The following CHRNB1 variants were observed in gnomAD, a reference collection of about 807,000 sequenced individuals.
CHRNB1 encodes acetylcholine receptor subunit beta.
A neutral mutation model predicts 53.8 loss-of-function variants in CHRNB1; 47 were observed. That is an observed-to-expected ratio of 0.87 (90% CI 0.69 to 1.11). CHRNB1 has a LOEUF of 1.11. CHRNB1 is among the 50% of genes most tolerant of loss of function. The pLI, the probability that CHRNB1 is intolerant of heterozygous loss-of-function variation, is 0.00. For synonymous variants in CHRNB1, 259 were observed against 263.5 expected, an observed-to-expected ratio of 0.98 and a Z score of 0.16; for missense variants, 605 against 654.9, an observed-to-expected ratio of 0.92 and a Z score of 0.83.
At position 7,454,266 on chromosome 17, in the gene CHRNB1, A is replaced by G. The variant is rs567864992; in HGVS notation, c.821-31A>G. The G allele has an allele frequency of 7.1e-5, 111 of 1,559,816 alleles. 4 individuals carry two copies. In the South Asian group the frequency reaches 1.1e-3, roughly 16 times the overall value. On this transcript the variant is annotated intron_variant, in intron 7 of 10. Transcript: ENST00000306071. ...ATAGAGCTTTCCTTCAGGCAAGTCTAATCCTTCTCTCTTCCCCTCTGCCCT... is the reference window on the plus strand; with the variant it reads ...ATAGAGCTTTCCTTCAGGCAAGTCTGATCCTTCTCTCTTCCCCTCTGCCCT...
At chr17:7,449,350 G>T (rs955517714) in intron 7 of CHRNB1, among the ~76,000 whole-genome samples, 1 of 147,642 alleles carries the variant, frequency 6.8e-6, no homozygotes, top group Non-Finnish European at 1.5e-5. Context: ...TGATCTGCCC[G>T]CCTCGGCCTC....
At chr17:7,448,409 G>A (rs1203641182) in intron 6 of CHRNB1, among the ~76,000 whole-genome samples, 170 bp from the exon 7 acceptor site, 1 of 152,038 alleles carries the variant, frequency 6.6e-6, no homozygotes, top group Non-Finnish European at 1.5e-5. Context: ...TAAAAATATG[G>A]AAATTGAGAC....
At chr17:7,449,912 C>G (rs964717356) in intron 7 of CHRNB1, among the ~76,000 whole-genome samples, 47 of 151,496 alleles carry the variant, frequency 3.1e-4, no homozygotes, top group Non-Finnish European at 5.6e-4. Flanking sequence ...GGTGTGGTGG[C>G]GGGCGCCTGT....
rs552120595 is a variant in CHRNB1, at chr17:7,457,567, T to C, written c.*844T>C. 6.6e-6 allele frequency: 1 copy of C among 152,258 alleles called. No individual in the cohort carries two copies. Among genetic ancestry groups the C allele is most frequent in the East Asian group, 1.9e-4 (1 of 5,188 alleles). 9.4% of individuals were successfully genotyped at this position (152,258 alleles called of 1,614,324 possible). A position where few individuals can be genotyped will look rare whatever the true frequency, so the allele number is the denominator to read the frequency against. Reference sequence around the variant, plus strand: ...GCCTGGGCAACATAGTGAGACCCTGTCTCTAAAAAAATAAAAATAGAAATA... The same window carrying C: ...GCCTGGGCAACATAGTGAGACCCTGCCTCTAAAAAAATAAAAATAGAAATA... On this transcript the variant is annotated 3_prime_UTR_variant, in exon 11 of 11. Transcript: ENST00000306071.
In CHRNB1 at chr17:7,448,719, A is replaced by G. The variant is rs762446825; in HGVS notation, c.751A>G (p.Asn251Asp). ...IRRKPLFYLV[N>D]VIAPCILITL... is the part of the protein sequence containing the mutation. Reference sequence around the variant, plus strand: ...CCGCAAGCCTCTCTTCTACCTGGTCAACGTCATTGCCCCATGCATCCTCAT... The same window carrying G: ...CCGCAAGCCTCTCTTCTACCTGGTCGACGTCATTGCCCCATGCATCCTCAT... The change falls in exon 7 of 11, where the codon AAC becomes GAC. Residue 251 changes from asparagine to aspartate, a missense_variant. Coordinates refer to ENST00000306071, the MANE Select transcript of CHRNB1 (RefSeq NM_000747.3). 1 of 1,614,200 alleles carries G rather than the reference A, an allele frequency of 6.2e-7. No homozygotes were observed. Among genetic ancestry groups the G allele is most frequent in the Admixed American group, 1.7e-5 (1 of 60,022 alleles).
chr17:7,452,713 A>G (rs534429865), intron 7 of CHRNB1, among the ~76,000 whole-genome samples: 1 of 152,316 alleles, frequency 6.6e-6, no homozygotes, highest in South Asian at 2.1e-4. Flanking sequence ...TCCGTTGCTT[A>G]ATCTGCATGC....
intron 9 of CHRNB1, 76 bp from the exon 10 acceptor site, chr17:7,455,718 G>A (rs567324595): frequency 6.3e-7 from 1 of 1,593,968 alleles, no homozygotes. Context: ...AGTTGTTGGA[G>A]GCAGCTGGAG....
Position 7,446,060 on chromosome 17 carries a change from C to T in CHRNB1, c.199-9C>T, listed in dbSNP as rs572576481. ...CTTCACCTTTACGCCTTAAATTTTT[C>T]CCTTCTAGAACGAGAAGGATGAAGA... On this transcript the variant is annotated splice_polypyrimidine_tract_variant and intron_variant, in intron 2 of 10. Coordinates refer to ENST00000306071, the MANE Select transcript of CHRNB1 (RefSeq NM_000747.3). 12 of 1,613,662 alleles carry T rather than the reference C, an allele frequency of 7.4e-6. No individual in the cohort carries two copies. In the South Asian group the frequency reaches 9.9e-5, roughly 13 times the overall value.
rs1481476050 is a variant in CHRNB1, at chr17:7,449,191, C to A, written c.820+403C>A. 2.1e-4 allele frequency among the ~76,000 whole-genome samples: 32 copies of A among 150,546 alleles called. 1 individual carries two copies. The highest frequency in any genetic ancestry group is 2.1e-3 in the Admixed American group (32 of 15,064). Reference sequence around the variant, plus strand: ...CAATCTCGGCTCACTGCAAGCTCTGCCTCCCGGGTTCACGCCATTCTCCTG... The same window carrying A: ...CAATCTCGGCTCACTGCAAGCTCTGACTCCCGGGTTCACGCCATTCTCCTG... On this transcript the variant is annotated intron_variant, in intron 7 of 10. Transcript: ENST00000306071.
chr17:7,451,346 G>A (rs1420138989), intron 7 of CHRNB1, among the ~76,000 whole-genome samples: 1 of 139,830 alleles, frequency 7.2e-6, no homozygotes, highest in East Asian at 2.1e-4. Flanking sequence ...GCGCGATCTC[G>A]GCTCACTGCA....
rs760465598 is a variant in CHRNB1, at chr17:7,445,204, G to A, written c.58+19G>A. The A allele has an allele frequency of 6.2e-7, 1 of 1,611,488 alleles. No homozygotes were observed. Among genetic ancestry groups the A allele is most frequent in the Non-Finnish European group, 8.5e-7 (1 of 1,179,546 alleles). Reference sequence around the variant, plus strand: ...GCCCCAGGTAAGTGTAGGCCCCGAAGGGGCAGTGACGGGGCCAGCGGTCGT... The same window carrying A: ...GCCCCAGGTAAGTGTAGGCCCCGAAAGGGCAGTGACGGGGCCAGCGGTCGT... On this transcript the variant is annotated intron_variant, in intron 1 of 10. Transcript: ENST00000306071. This position sits in a 1 kb window ranked among gnomAD's most constrained non-coding sequence, Gnocchi z 5.7.
At chr17:7,454,567 A>G (rs372471189) in intron 8 of CHRNB1, 47 bp downstream of exon 8, 58 of 1,468,912 alleles carry the variant, frequency 3.9e-5, no homozygotes, top group Non-Finnish European at 4.4e-5. Context: ...TTTACAGACC[A>G]TAGGGAGAAC....
At position 7,447,074 on chromosome 17, in the gene CHRNB1, A is replaced by T. The variant is rs772793418; in HGVS notation, c.385A>T (p.Ile129Phe). ...NDGNFDVALD[I>F]SVVVSSDGSV... ...TGGGAATTTTGACGTGGCTCTGGAC[A>T]TTAGCGTCGTGGTGTCCTCCGACGG... The change falls in exon 5 of 11, where the codon ATT (isoleucine) becomes TTT (phenylalanine). Residue 129 changes from isoleucine to phenylalanine, a missense_variant. By Grantham distance (21) the Ile-to-Phe change is conservative. Coordinates refer to ENST00000306071, the MANE Select transcript of CHRNB1 (RefSeq NM_000747.3). The T allele has an allele frequency of 1.9e-6, 3 of 1,614,194 alleles. No homozygotes were observed. Among genetic ancestry groups the T allele is most frequent in the Non-Finnish European group, 2.5e-6 (3 of 1,180,016 alleles).
chr17:7,454,794 C>CTTTAAATAGCT (rs1909014136), intron 8 of CHRNB1, among the ~76,000 whole-genome samples: 1 of 65,526 alleles, frequency 1.5e-5, no homozygotes, highest in East Asian at 5.5e-4. Context: ...CACTAAATAG[C>CTTTAAATAGCT]TTTTTTTTTT....
At chr17:7,450,273 A>T (rs966987935) in intron 7 of CHRNB1, among the ~76,000 whole-genome samples, 11 of 151,622 alleles carry the variant, frequency 7.3e-5, no homozygotes, top group African/African-American at 2.7e-4. Context: ...CCTCCTGAGT[A>T]GCTGGGATTA....
rs1908548076 is a variant in CHRNB1 at position 7,445,205 on chromosome 17, G to A, written c.58+20G>A. 1.9e-6 allele frequency: 3 copies of A among 1,611,320 alleles called. No individual in the cohort carries two copies. Among genetic ancestry groups the A allele is most frequent in the Middle Eastern group, 1.7e-4 (1 of 6,014 alleles). ...CCCCAGGTAAGTGTAGGCCCCGAAG[G>A]GGCAGTGACGGGGCCAGCGGTCGTG... is the stretch of plus-strand genomic sequence containing the variant. On this transcript the variant is annotated intron_variant, in intron 1 of 10. Transcript: ENST00000306071. The surrounding 1 kb of genome is among the most constrained non-coding windows in gnomAD (Gnocchi z 5.7).
chr17:7,448,940 C>A, intron 7 of CHRNB1, 152 bp downstream of exon 7: 1 of 783,446 alleles, frequency 1.3e-6, no homozygotes, highest in Non-Finnish European at 2.2e-6. Context: ...TGACTGCCAC[C>A]TTTCCTCCGC....
Position 7,445,685 on chromosome 17 carries a change from G to A in CHRNB1, c.198+276G>A. On this transcript the variant is annotated intron_variant, in intron 2 of 10. Coordinates refer to ENST00000306071, the MANE Select transcript of CHRNB1 (RefSeq NM_000747.3). The surrounding 1 kb of genome is among the most constrained non-coding windows in gnomAD (Gnocchi z 5.7). The stretch of plus-strand genomic sequence containing the variant: ...GGGACGAGGCAGGGGCTGGGGGACG[G>A]ACCTCGACGTAGGGCCACATGAGTC... 8.0e-7 allele frequency: 1 copy of A among 1,251,892 alleles called. No individual in the cohort carries two copies. Among genetic ancestry groups the A allele is most frequent in the South Asian group, 1.6e-5 (1 of 63,958 alleles). The allele number at this position is 1,251,892 out of a possible 1,614,324, so 77.5% of individuals were successfully genotyped here.
chr17:7,449,144 C>A (rs1908783559), intron 7 of CHRNB1, among the ~76,000 whole-genome samples: 2 of 148,990 alleles, frequency 1.3e-5, no homozygotes, highest in African/African-American at 5.0e-5. Flanking sequence ...CACTCTGTCA[C>A]CCAGACTGGA....
Sources: gnomAD v4.1 joint callset for allele counts (sites outside exome capture counted in the v4.1 genomes callset) on GRCh38, gnomAD v4.1.1 for gene constraint, Gnocchi (gnomAD v3.1) non-coding constraint, MANE v1.5 for transcripts, NCBI Gene and HGNC (gene_info 2026-07-23, HGNC 2026-07-21) for gene names.